Variants in LRP1B observed in about 807,000 individuals in gnomAD.
LRP1B encodes LDL receptor related protein 1B.
In LRP1B, 217 loss-of-function variants were observed where a neutral mutation model predicts 556.6. The observed-to-expected ratio is 0.39, with a 90% CI of 0.35 to 0.44. The LOEUF (loss-of-function observed/expected upper bound fraction) is 0.44. Ranked by LOEUF, LRP1B falls within the 20% of genes least tolerant of loss-of-function variation. LRP1B has a pLI of 1.00. For missense variants in LRP1B, 5,053 were observed against 5,620.8 expected, an observed-to-expected ratio of 0.90 and a Z score of 3.23; for synonymous variants, 2,047 against 1,865.8, an observed-to-expected ratio of 1.10 and a Z score of -2.50.
At chr2:141,559,088 CTA>C (rs1310658652) in intron 2 of LRP1B, among the ~76,000 whole-genome samples, 1 of 151,348 alleles carries the variant, frequency 6.6e-6, no homozygotes, top group East Asian at 1.9e-4. Flanking sequence ...TTTTGGTACA[CTA>C]TTTTGATGCA....
intron 27 of LRP1B, among the ~76,000 whole-genome samples, chr2:140,853,196 C>T (rs541928502): frequency 6.6e-6 from 1 of 152,048 alleles, no homozygotes; most frequent in African/African-American, 2.4e-5. Context: ...CACAAACTCT[C>T]ATGTAGAGGT....
At chr2:141,781,407 CT>C (rs1411348398) in intron 2 of LRP1B, among the ~76,000 whole-genome samples, 1 of 152,104 alleles carries the variant, frequency 6.6e-6, no homozygotes, top group Admixed American at 6.6e-5. Flanking sequence ...ACTACTTTTG[CT>C]TTTTACTAAG....
At chr2:142,105,163 G>A (rs1358248830) in intron 1 of LRP1B, among the ~76,000 whole-genome samples, 1 of 152,130 alleles carries the variant, frequency 6.6e-6, no homozygotes, top group East Asian at 1.9e-4. Flanking sequence ...AACCAAAAAG[G>A]AGAGCAAATT....
intron 62 of LRP1B, among the ~76,000 whole-genome samples, chr2:140,452,806 G>T (rs1365138965): frequency 6.6e-6 from 1 of 151,972 alleles, no homozygotes; most frequent in Non-Finnish European, 1.5e-5. Flanking sequence ...ATTCATGATA[G>T]ATTTACATCA....
At chr2:141,873,094 C>T (rs1698641770) in intron 1 of LRP1B, among the ~76,000 whole-genome samples, 1 of 151,872 alleles carries the variant, frequency 6.6e-6, no homozygotes, top group Non-Finnish European at 1.5e-5. Flanking sequence ...AAGGTGGGGA[C>T]AAATGGAAAG....
intron 11 of LRP1B, among the ~76,000 whole-genome samples, chr2:141,045,077 A>C (rs200787043): frequency 1.3e-5 from 2 of 149,708 alleles, no homozygotes; most frequent in East Asian, 3.9e-4. Flanking sequence ...ACACCACGGA[A>C]TACTATGCAG....
chr2:141,550,022 A>C (rs1456698286), intron 2 of LRP1B, among the ~76,000 whole-genome samples: 1 of 152,190 alleles, frequency 6.6e-6, no homozygotes, highest in Non-Finnish European at 1.5e-5. Context: ...CACTGCGTTC[A>C]AATGTAGAAA....
intron 1 of LRP1B, among the ~76,000 whole-genome samples, chr2:141,818,661 C>T (rs1479432805): frequency 2.0e-5 from 3 of 150,750 alleles, no homozygotes; most frequent in African/African-American, 7.3e-5. Context: ...CTCAGCCTCC[C>T]GAGTAGCTAG....
intron 31 of LRP1B, among the ~76,000 whole-genome samples, chr2:140,838,028 A>G (rs1691971692): frequency 6.6e-6 from 1 of 152,090 alleles, no homozygotes; most frequent in Non-Finnish European, 1.5e-5. Context: ...CTCTCTTATA[A>G]ACTTTTTTTT....
At chr2:140,596,375 G>C (rs1238420441) in intron 43 of LRP1B, among the ~76,000 whole-genome samples, 1 of 152,144 alleles carries the variant, frequency 6.6e-6, no homozygotes, top group Non-Finnish European at 1.5e-5. Context: ...GTGTCACTTA[G>C]AGTTGGATGC....
intron 41 of LRP1B, among the ~76,000 whole-genome samples, chr2:140,640,383 C>CT (rs70988414): frequency 0.022 from 1,046 of 48,474 alleles, 359 homozygotes; most frequent in African/African-American, 0.077. Flanking sequence ...GTCCTGTTTT[C>CT]TTTTTTTTTT....
chr2:141,299,001 A>T (rs1403356075), intron 3 of LRP1B, among the ~76,000 whole-genome samples: 2 of 151,426 alleles, frequency 1.3e-5, no homozygotes, highest in Non-Finnish European at 2.9e-5. Flanking sequence ...GCCTGTAACC[A>T]TGAGTATAAT....
At chr2:141,827,213 A>G (rs1476248276) in intron 1 of LRP1B, among the ~76,000 whole-genome samples, 1 of 152,262 alleles carries the variant, frequency 6.6e-6, no homozygotes, top group Non-Finnish European at 1.5e-5. Flanking sequence ...TTTCATAGAC[A>G]GAAGTTCTTT....
At chr2:140,237,328 T>C (rs955493940) in intron 89 of LRP1B, among the ~76,000 whole-genome samples, 3 of 150,956 alleles carry the variant, frequency 2.0e-5, no homozygotes, top group African/African-American at 7.3e-5. Flanking sequence ...CCATGTTGCC[T>C]CAAATGACAG....
intron 55 of LRP1B, among the ~76,000 whole-genome samples, chr2:140,496,354 G>C (rs1036463867): frequency 9.2e-5 from 14 of 152,138 alleles, no homozygotes; most frequent in African/African-American, 3.1e-4. Context: ...AGGCCAGTAG[G>C]AGATCTTGTA....
In LRP1B at chr2:141,600,508, C is replaced by G. The variant is rs575710296; in HGVS notation, c.206-119975G>C. Reference sequence around the variant, plus strand: ...TGTGAGTGATGATGCAGGTGAGTATCTGTTGGCATCAGGGTTTAAAGTGAA... The same window carrying G: ...TGTGAGTGATGATGCAGGTGAGTATGTGTTGGCATCAGGGTTTAAAGTGAA... On this transcript the variant is annotated intron_variant, in intron 2 of 90. Transcript: ENST00000389484. Among the ~76,000 whole-genome samples the G allele has an allele frequency of 4.6e-5, 7 of 152,168 alleles. No homozygotes were observed. The East Asian group carries it at 1.4e-3, about 30-fold the overall frequency.
At chr2:140,762,590 C>T (rs1472861891) in intron 35 of LRP1B, among the ~76,000 whole-genome samples, 1 of 151,864 alleles carries the variant, frequency 6.6e-6, no homozygotes, top group Non-Finnish European at 1.5e-5. Context: ...TCTAAAAATA[C>T]TAAGGAATTC....
chr2:141,608,725 C>T (rs1378426760), intron 2 of LRP1B, among the ~76,000 whole-genome samples: 2 of 152,000 alleles, frequency 1.3e-5, no homozygotes, highest in Non-Finnish European at 2.9e-5. Context: ...GGATATATGG[C>T]CCATTAACAA....
At chr2:140,328,485 AAAGAAAATG>A (rs1228762197) in intron 79 of LRP1B, among the ~76,000 whole-genome samples, 73 of 150,550 alleles carry the variant, frequency 4.8e-4, no homozygotes, top group African/African-American at 1.6e-3. Flanking sequence ...AGAAAAAAAA[AAAGAAAATG>A]AAGAAAACAA....
Sources: gnomAD v4.1 joint callset for allele counts (sites outside exome capture counted in the v4.1 genomes callset) on GRCh38, gnomAD v4.1.1 for gene constraint, MANE v1.5 for transcripts, NCBI Gene and HGNC (gene_info 2026-07-23, HGNC 2026-07-21) for gene names.